ESYT2: variants seen among roughly 807,000 people sequenced by gnomAD.
The protein encoded by ESYT2 is extended synaptotagmin-2.
A neutral mutation model predicts 107.2 loss-of-function variants in ESYT2; 54 were observed. The observed-to-expected ratio is 0.50, with a 90% CI of 0.40 to 0.63. ESYT2 has a LOEUF of 0.63. ESYT2 is among the 30% of genes least tolerant of loss of function. The pLI, the probability that ESYT2 is intolerant of heterozygous loss-of-function variation, is 0.00. For missense variants in ESYT2, 1,020 were observed against 1,094.5 expected, an observed-to-expected ratio of 0.93 and a Z score of 0.96; for synonymous variants, 491 against 434.1, an observed-to-expected ratio of 1.13 and a Z score of -1.63.
chr7:158,740,293 G>A (rs751379132), intron 18 of ESYT2, among the ~76,000 whole-genome samples: 3 of 152,188 alleles, frequency 2.0e-5, no homozygotes, highest in African/African-American at 4.8e-5. Context: ...AGGTGCTTCC[G>A]GGCCTGTCAG....
intron 7 of ESYT2, among the ~76,000 whole-genome samples, chr7:158,771,101 G>A (rs1451246352): frequency 2.0e-5 from 3 of 152,316 alleles, no homozygotes; most frequent in Admixed American, 6.5e-5. Flanking sequence ...CTGTATTTAC[G>A]TGTGTATGTG....
chr7:158,809,391 G>A (rs1276853836), intron 1 of ESYT2, among the ~76,000 whole-genome samples: 3 of 141,236 alleles, frequency 2.1e-5, no homozygotes, highest in Non-Finnish European at 3.0e-5. Context: ...CAGGAGAATC[G>A]CTTGAACCTG....
In ESYT2 at chr7:158,731,689, C is replaced by G. The variant is rs548456967; in HGVS notation, c.*2518G>C. 2 of 152,776 alleles carry G rather than the reference C, an allele frequency of 1.3e-5. No individual in the cohort carries two copies. Among genetic ancestry groups the G allele is most frequent in the Admixed American group, 1.3e-4 (2 of 15,304 alleles). The allele number at this position is 152,776 out of a possible 1,614,324, so 9.5% of individuals were successfully genotyped here. Reference sequence around the variant, plus strand: ...CAGGATAAGAACCCACATGTACGAGCTAACAGAGCTGCACTTCAAATTTAC... The same window carrying G: ...CAGGATAAGAACCCACATGTACGAGGTAACAGAGCTGCACTTCAAATTTAC... On this transcript the variant is annotated 3_prime_UTR_variant, in exon 23 of 23. Transcript: ENST00000275418.
In ESYT2 at chr7:158,741,646, G is replaced by A. The variant is rs756105628; in HGVS notation, c.2045C>T (p.Ser682Phe). The change falls in exon 18 of 23, where the codon TCC becomes TTC. Residue 682 changes from serine to phenylalanine, a missense_variant. Coordinates refer to ENST00000275418, the MANE Select transcript of ESYT2 (RefSeq NM_001367773.1). ...PQGLHDLGRS[S>F]SSLLASPGHI... ...GCCTGGGGAGGCCAGGAGGCTGGAGGAGCTTCTGCCCAGGTCGTGCAGCCC... is the reference window on the plus strand; with the variant it reads ...GCCTGGGGAGGCCAGGAGGCTGGAGAAGCTTCTGCCCAGGTCGTGCAGCCC... The A allele has an allele frequency of 1.4e-5, 22 of 1,613,734 alleles. No homozygotes were observed. Among genetic ancestry groups the A allele is most frequent in the Non-Finnish European group, 1.6e-5 (19 of 1,180,018 alleles).
chr7:158,734,860 T>C (rs1258059166), intron 21 of ESYT2, among the ~76,000 whole-genome samples: 2 of 152,252 alleles, frequency 1.3e-5, no homozygotes, highest in Non-Finnish European at 2.9e-5. Context: ...CTCATCTCTC[T>C]AATCTTCTGT....
At chr7:158,813,651 A>T (rs1016916314) in intron 1 of ESYT2, among the ~76,000 whole-genome samples, 1 of 152,258 alleles carries the variant, frequency 6.6e-6, no homozygotes, top group African/African-American at 2.4e-5. Context: ...ATACTAAAGT[A>T]AGTTTTTCAG....
chr7:158,804,300 C>G (rs113321983), intron 1 of ESYT2, among the ~76,000 whole-genome samples: 2 of 82,274 alleles, frequency 2.4e-5, no homozygotes, highest in Non-Finnish European at 4.6e-5. Context: ...CCCAAACCGT[C>G]GAGAAGGGTG....
chr7:158,784,856 C>T (rs976143835), intron 6 of ESYT2, among the ~76,000 whole-genome samples: 2 of 152,132 alleles, frequency 1.3e-5, no homozygotes, highest in African/African-American at 4.8e-5. Flanking sequence ...CCAGCACCTC[C>T]GCATTGGGCT....
intron 1 of ESYT2, among the ~76,000 whole-genome samples, chr7:158,828,761 G>GGGGCT (rs1840532327): frequency 6.6e-6 from 1 of 151,568 alleles, no homozygotes. Context: ...AGGCCGGGGC[G>GGGGCT]GGGCTGGGGT....
At chr7:158,777,500 A>G (rs1271996609) in intron 6 of ESYT2, among the ~76,000 whole-genome samples, 1 of 152,056 alleles carries the variant, frequency 6.6e-6, no homozygotes, top group Non-Finnish European at 1.5e-5. Flanking sequence ...AGTTCTCATG[A>G]GTTCTGATAG....
chr7:158,813,259 C>T (rs971506453), intron 1 of ESYT2, among the ~76,000 whole-genome samples: 5 of 152,232 alleles, frequency 3.3e-5, no homozygotes, highest in South Asian at 2.1e-4. Context: ...CACAGGCAGA[C>T]GGACAGGAAG....
Position 158,736,959 on chromosome 7 carries a change from G to T in ESYT2, c.2399+89C>A, listed in dbSNP as rs1836977441. The T allele has an allele frequency of 7.8e-6, 12 of 1,542,628 alleles. No homozygotes were observed. The South Asian group carries it at 1.3e-4, about 17-fold the overall frequency. On this transcript the variant is annotated intron_variant, in intron 20 of 22. Transcript: ENST00000275418. ...GAACTTCTCAACAGCTGATTTATGT[G>T]CTTTGGCCACTCAAAGGCACCATTT...
intron 6 of ESYT2, among the ~76,000 whole-genome samples, chr7:158,784,014 G>A (rs1450473068): frequency 6.6e-6 from 1 of 152,136 alleles, no homozygotes. Context: ...TGGGGCAGGT[G>A]CAGACCCTCT....
chr7:158,741,733 A>G lies in ESYT2; in HGVS notation c.1958T>C (p.Ile653Thr), dbSNP rs148502320. The change falls in exon 18 of 23, where the codon ATT becomes ACT. Residue 653 changes from isoleucine (I) to threonine (T), a missense_variant. By Grantham distance (89) the Ile-to-Thr change is moderately conservative. Transcript: ENST00000275418. ...CATACCAGGCTTATCACTGCCCCCA[A>G]TGACTGGTGTGGATGGAGCTGTGTT... ...GSNTAPSTPV[I>T]GGSDKPGMEE... is the part of the protein sequence containing the mutation. 1,078 of 1,614,026 alleles carry G rather than the reference A, an allele frequency of 6.7e-4. 2 individuals carry two copies. Among genetic ancestry groups the G allele is most frequent in the Middle Eastern group, 1.2e-3 (7 of 6,062 alleles).
intron 13 of ESYT2, among the ~76,000 whole-genome samples, chr7:158,756,679 G>T (rs1003463558): frequency 1.3e-5 from 2 of 151,946 alleles, no homozygotes; most frequent in Non-Finnish European, 2.9e-5. Flanking sequence ...GAGGCCGAGG[G>T]GGGTGGACTG....
At chr7:158,772,501 A>G (rs1286108148) in intron 7 of ESYT2, among the ~76,000 whole-genome samples, 1 of 152,236 alleles carries the variant, frequency 6.6e-6, no homozygotes, top group Non-Finnish European at 1.5e-5. Flanking sequence ...CTAGAAACAT[A>G]TAACTTTAAC....
chr7:158,743,578 AGCTGGAAGC>A lies in ESYT2; in HGVS notation c.1736_1744del (p.Arg579_Gln581del). 1.2e-6 allele frequency: 2 copies of A among 1,612,860 alleles called. No individual in the cohort carries two copies. Among genetic ancestry groups the A allele is most frequent in the Non-Finnish European group, 1.7e-6 (2 of 1,179,678 alleles). On this transcript the variant is annotated inframe_deletion, in exon 17 of 23. Transcript: ENST00000275418. The stretch of plus-strand genomic sequence containing the variant: ...GGTGCTGTTTGGACCCGAGTTACTG[AGCTGGAAGC>A]GCTGGCTCACAGTCATGTCCTCACT...
In ESYT2 at chr7:158,759,551, G is replaced by C; in HGVS notation, c.1354C>G (p.Gln452Glu). 2 of 1,612,436 alleles carry C rather than the reference G, an allele frequency of 1.2e-6. No homozygotes were observed. The highest frequency in any genetic ancestry group is 2.2e-5 in the East Asian group (1 of 44,836). Residue 452 changes from glutamine (Q) to glutamate (E), a missense_variant, in exon 13 of 23, where the codon CAA becomes GAA. Transcript: ENST00000275418. ...VLTDIKADKD[Q>E]ANDGLSSALL... ...GCAGAGGAAAGACCATCGTTGGCTT[G>C]GTCTTTGTCAGCTTTGATGTCTGTT...
chr7:158,814,101 G>A (rs1840067865), intron 1 of ESYT2, among the ~76,000 whole-genome samples: 1 of 151,752 alleles, frequency 6.6e-6, no homozygotes, highest in Non-Finnish European at 1.5e-5. Context: ...GTGAAACCCT[G>A]TCTCTACTAG....
Sources: gnomAD v4.1 joint callset for allele counts (sites outside exome capture counted in the v4.1 genomes callset) on GRCh38, gnomAD v4.1.1 for gene constraint, MANE v1.5 for transcripts, NCBI Gene and HGNC (gene_info 2026-07-23, HGNC 2026-07-21) for gene names.